Variants in ARFIP1 observed in about 807,000 individuals in gnomAD.
ARFIP1 encodes arfaptin-1.
Under a neutral mutation model 42.5 loss-of-function variants are expected in ARFIP1, and 24 were observed. That is an observed-to-expected ratio of 0.57 (90% CI 0.41 to 0.80). The LOEUF (loss-of-function observed/expected upper bound fraction) is 0.80. ARFIP1 is among the 30% of genes least tolerant of loss of function. The probability of loss-of-function intolerance (pLI) is 0.00; values close to 1 mark genes in which losing one functional copy is unlikely to be tolerated. For synonymous variants in ARFIP1, 141 were observed against 153.7 expected (o/e 0.92, Z 0.61); for missense variants, 354 against 434.0 (o/e 0.82, Z 1.64).
rs1174622399 is a variant in ARFIP1, at chr4:152,858,555, A to G, written c.94-5051A>G. On this transcript the variant is annotated intron_variant, in intron 2 of 8. Transcript: ENST00000353617. ...CAAATATACATTAAATTATATTTCA[A>G]AATAAACCCGTTATTATTGCAGCTT... 4.6e-5 allele frequency among the ~76,000 whole-genome samples: 7 copies of G among 152,240 alleles called. No homozygotes were observed. The East Asian group carries it at 1.2e-3, about 25-fold the overall frequency.
intron 1 of ARFIP1, among the ~76,000 whole-genome samples, chr4:152,807,434 T>C (rs942200851): frequency 6.6e-6 from 1 of 152,214 alleles, no homozygotes; most frequent in Admixed American, 6.5e-5. Flanking sequence ...TTTGGTATTA[T>C]AGTCATCTTT....
At chr4:152,872,375 G>T in intron 4 of ARFIP1, 77 bp from the exon 5 acceptor site, 2 of 932,670 alleles carry the variant, frequency 2.1e-6, no homozygotes, top group South Asian at 1.6e-5. Context: ...ATTTCAATTT[G>T]AACAATATCA....
intron 2 of ARFIP1, among the ~76,000 whole-genome samples, chr4:152,838,693 G>A (rs1731842225): frequency 6.6e-6 from 1 of 151,998 alleles, no homozygotes; most frequent in Admixed American, 6.5e-5. Flanking sequence ...GAGTCCTTAG[G>A]GTTTTCGAGG....
At chr4:152,841,182 C>T (rs186238522) in intron 2 of ARFIP1, among the ~76,000 whole-genome samples, 10 of 152,054 alleles carry the variant, frequency 6.6e-5, no homozygotes, top group African/African-American at 9.6e-5. Context: ...ATTACAAGCA[C>T]GTGCCACCAT....
chr4:152,799,482 G>A (rs962234196), intron 1 of ARFIP1, among the ~76,000 whole-genome samples: 1 of 152,210 alleles, frequency 6.6e-6, no homozygotes, highest in Admixed American at 6.5e-5. Flanking sequence ...GATTCAGTGT[G>A]ATAAGTTTTA....
chr4:152,866,959 C>T (rs1734439571), intron 3 of ARFIP1, among the ~76,000 whole-genome samples: 1 of 151,642 alleles, frequency 6.6e-6, no homozygotes, highest in East Asian at 1.9e-4. Flanking sequence ...AGAGGCGCTC[C>T]TCACTTCCTA....
chr4:152,872,398 C>T, intron 4 of ARFIP1, 54 bp from the exon 5 acceptor site: 2 of 1,204,444 alleles, frequency 1.7e-6, no homozygotes, highest in East Asian at 2.5e-5. Flanking sequence ...GTTTTGTTTT[C>T]TTTCCCTGCT....
chr4:152,810,991 C>T (rs1013180610), intron 1 of ARFIP1, among the ~76,000 whole-genome samples: 7 of 151,844 alleles, frequency 4.6e-5, no homozygotes, highest in African/African-American at 1.7e-4. Context: ...CTTTTTCCTG[C>T]CTCTGGATTC....
At chr4:152,791,862 A>C (rs895402543) in intron 1 of ARFIP1, among the ~76,000 whole-genome samples, 1 of 152,164 alleles carries the variant, frequency 6.6e-6, no homozygotes, top group Admixed American at 6.5e-5. Flanking sequence ...GATGTTTAAA[A>C]AGTATTTTTA....
chr4:152,863,107 TC>T (rs1284487475), intron 2 of ARFIP1, among the ~76,000 whole-genome samples: 1 of 152,086 alleles, frequency 6.6e-6, no homozygotes. Flanking sequence ...GCAATGTAAA[TC>T]TAAGTAATTT....
intron 2 of ARFIP1, among the ~76,000 whole-genome samples, chr4:152,846,293 C>T (rs1029542209): frequency 6.6e-6 from 1 of 152,074 alleles, no homozygotes; most frequent in Admixed American, 6.5e-5. Flanking sequence ...TACCCCAAAC[C>T]TCAGCATAAT....
chr4:152,816,666 G>T (rs1014601711), intron 1 of ARFIP1, among the ~76,000 whole-genome samples: 21 of 152,176 alleles, frequency 1.4e-4, no homozygotes, highest in African/African-American at 4.6e-4. Context: ...TGAGAGCAGG[G>T]GGCTTTGTCC....
intron 2 of ARFIP1, among the ~76,000 whole-genome samples, chr4:152,857,170 C>A (rs1307660010): frequency 2.0e-5 from 3 of 152,118 alleles, no homozygotes; most frequent in Admixed American, 1.3e-4. Context: ...TGTCCTGTGA[C>A]AAGAGGTTTT....
intron 3 of ARFIP1, among the ~76,000 whole-genome samples, chr4:152,867,004 T>C (rs1446904939): frequency 6.8e-6 from 1 of 146,498 alleles, no homozygotes; most frequent in Non-Finnish European, 1.5e-5. Context: ...CGCTCCTCAC[T>C]TTCCAGACTG....
chr4:152,849,274 G>GT (rs1010224325), intron 2 of ARFIP1, among the ~76,000 whole-genome samples: 17 of 149,916 alleles, frequency 1.1e-4, no homozygotes, highest in South Asian at 1.1e-3. Flanking sequence ...TTAGTAATAT[G>GT]TTTTTTTTTA....
chr4:152,868,319 T>A (rs1265926071), intron 3 of ARFIP1, among the ~76,000 whole-genome samples: 3 of 152,210 alleles, frequency 2.0e-5, no homozygotes, highest in Non-Finnish European at 4.4e-5. Context: ...TATGTATTCA[T>A]CTTTCTAGAT....
At chr4:152,875,957 T>C (rs1735295106) in intron 5 of ARFIP1, among the ~76,000 whole-genome samples, 1 of 152,138 alleles carries the variant, frequency 6.6e-6, no homozygotes, top group African/African-American at 2.4e-5. Flanking sequence ...TTCTTTCTCA[T>C]TTTCTCTTGC....
intron 4 of ARFIP1, among the ~76,000 whole-genome samples, chr4:152,871,781 G>T (rs1734903830): frequency 6.6e-6 from 1 of 151,910 alleles, no homozygotes; most frequent in Admixed American, 6.5e-5. Context: ...CTTAATTGTT[G>T]GAAGAGTACA....
intron 2 of ARFIP1, among the ~76,000 whole-genome samples, chr4:152,845,883 A>G (rs1041517110): frequency 6.6e-6 from 1 of 152,230 alleles, no homozygotes; most frequent in African/African-American, 2.4e-5. Context: ...CCAAAAAGAC[A>G]CATGCACTTG....
Sources: gnomAD v4.1 joint callset for allele counts (sites outside exome capture counted in the v4.1 genomes callset) on GRCh38, gnomAD v4.1.1 for gene constraint, MANE v1.5 for transcripts, NCBI Gene and HGNC (gene_info 2026-07-23, HGNC 2026-07-21) for gene names.